Variants in HIBCH observed in about 807,000 individuals in gnomAD.
The protein encoded by HIBCH is 3-hydroxyisobutyryl-CoA hydrolase, also known as 3-hydroxyisobutyryl-CoA hydrolase, mitochondrial.
In HIBCH, 50 loss-of-function variants were observed where a neutral mutation model predicts 58.2. The ratio of observed to expected loss-of-function variants is 0.86; its 90% CI spans 0.68 to 1.09. The LOEUF is 1.09. HIBCH is among the 50% of genes least tolerant of loss of function. HIBCH has a pLI of 0.00. For synonymous variants in HIBCH, 151 were observed against 146.9 expected (o/e 1.03, Z -0.20); for missense variants, 450 against 449.7 (o/e 1.00, Z -0.01).
At chr2:190,205,353 C>A (rs1438426819) in intron 13 of HIBCH, 121 bp from the exon 14 acceptor site, 7 of 648,252 alleles carry the variant, frequency 1.1e-5, no homozygotes, top group South Asian at 1.8e-5. Context: ...TTTTTTCCTG[C>A]AAAATTTTTA....
chr2:190,313,034 G>A (rs1421365197), intron 1 of HIBCH, among the ~76,000 whole-genome samples: 1 of 152,242 alleles, frequency 6.6e-6, no homozygotes, highest in East Asian at 1.9e-4. Context: ...GGGAGGCAGA[G>A]TGTAGAAAGT....
chr2:190,201,625 TC>T (rs1690247091), downstream of HIBCH: 1 of 167,048 alleles, frequency 6.0e-6, no homozygotes, highest in African/African-American at 2.4e-5. Context: ...TAGAGTGAAT[TC>T]TCCAAGTTAC....
At chr2:190,297,248 T>C (rs1400806080) in intron 2 of HIBCH, among the ~76,000 whole-genome samples, 2 of 152,200 alleles carry the variant, frequency 1.3e-5, no homozygotes, top group African/African-American at 2.4e-5. Context: ...AATATTTTAA[T>C]TTACTACTGT....
intron 6 of HIBCH, among the ~76,000 whole-genome samples, chr2:190,272,379 C>T (rs1035054679): frequency 6.6e-6 from 1 of 152,166 alleles, no homozygotes; most frequent in African/African-American, 2.4e-5. Flanking sequence ...TCGAAGCTCA[C>T]ATATCCATAT....
chr2:190,198,199 T>C (rs1690066797), intron 1 of HIBCH, among the ~76,000 whole-genome samples: 4 of 151,908 alleles, frequency 2.6e-5, no homozygotes, highest in African/African-American at 9.7e-5. Flanking sequence ...TTATTAGGGG[T>C]AGGAACAGAT....
chr2:190,194,380 G>C (rs1198072511), intron 1 of HIBCH, among the ~76,000 whole-genome samples: 3 of 151,146 alleles, frequency 2.0e-5, no homozygotes, highest in Non-Finnish European at 4.4e-5. Context: ...GCATATAGTG[G>C]GTGTATTTTT....
At chr2:190,313,643 C>CA (rs546101154) in intron 1 of HIBCH, among the ~76,000 whole-genome samples, 45,726 of 79,122 alleles carry the variant, frequency 0.58, 10,463 homozygotes, top group South Asian at 0.62. Context: ...CTCTGTCTCA[C>CA]AAAAAAAAAA....
intron 1 of HIBCH, among the ~76,000 whole-genome samples, chr2:190,318,549 A>C (rs1402135243): frequency 6.6e-6 from 1 of 152,172 alleles, no homozygotes. Context: ...ATCTCAGATC[A>C]AAGCCCCCAA....
downstream of HIBCH, chr2:190,202,362 ACAAG>A (rs1401446830): frequency 6.0e-6 from 1 of 167,062 alleles, no homozygotes; most frequent in East Asian, 1.9e-4. Flanking sequence ...TATATGAACT[ACAAG>A]GCTTGCATAA....
intron 11 of HIBCH, among the ~76,000 whole-genome samples, chr2:190,234,234 A>G (rs894784394): frequency 1.3e-5 from 2 of 152,224 alleles, no homozygotes; most frequent in Non-Finnish European, 1.5e-5. Flanking sequence ...TGATACAACT[A>G]TATTAGAAAA....
chr2:190,280,482 C>T (rs186431952), intron 6 of HIBCH, among the ~76,000 whole-genome samples: 6 of 152,242 alleles, frequency 3.9e-5, no homozygotes, highest in African/African-American at 9.6e-5. Flanking sequence ...AGGCAGTCTC[C>T]CAGTAGACAG....
In HIBCH at chr2:190,312,302, G is replaced by A. The variant is rs148331823; in HGVS notation, c.36-1506C>T. Among the ~76,000 whole-genome samples the A allele has an allele frequency of 5.7e-3, 875 of 152,306 alleles. 12 individuals carry two copies. Among genetic ancestry groups the A allele is most frequent in the African/African-American group, 0.019 (802 of 41,564 alleles). The stretch of plus-strand genomic sequence containing the variant: ...GCACTCGAGAAACCCACAACGTAAT[G>A]ACAGATGTGCAAATAAAAACACTAT... On this transcript the variant is annotated intron_variant, in intron 1 of 13. Coordinates refer to ENST00000359678, the MANE Select transcript of HIBCH (RefSeq NM_014362.4).
chr2:190,227,667 C>T (rs1272207150), intron 11 of HIBCH, among the ~76,000 whole-genome samples: 1 of 152,028 alleles, frequency 6.6e-6, no homozygotes, highest in African/African-American at 2.4e-5. Context: ...TGACAAAGGG[C>T]TAATATCCAG....
Position 190,249,667 on chromosome 2 carries a change from T to G in HIBCH, c.723A>C (p.Ala241=), listed in dbSNP as rs1333268006. ...CTGTATGGTAATTTTCTAAGACAGA[T>G]GCAATATTTTCTTTTGAAGGAGATT... ...ALKSPSKENI[A]SVLENYHTES... The change falls in exon 9 of 14, where the codon GCA becomes GCC. Residue 241 remains alanine (A), a synonymous_variant. Coordinates refer to ENST00000359678, the MANE Select transcript of HIBCH (RefSeq NM_014362.4). The G allele has an allele frequency of 6.2e-7, 1 of 1,604,890 alleles. No individual in the cohort carries two copies. The highest frequency in any genetic ancestry group is 1.3e-5 in the African/African-American group (1 of 74,842).
chr2:190,275,933 C>T (rs892932287), intron 6 of HIBCH, among the ~76,000 whole-genome samples: 7 of 152,282 alleles, frequency 4.6e-5, no homozygotes, highest in South Asian at 2.1e-4. Context: ...ACCATTGCAT[C>T]CAGATCTGCT....
chr2:190,235,473 T>G (rs1297527833), intron 11 of HIBCH, among the ~76,000 whole-genome samples: 2 of 152,182 alleles, frequency 1.3e-5, no homozygotes, highest in Non-Finnish European at 2.9e-5. Flanking sequence ...AGTTCATGTG[T>G]GAAAAAATAT....
chr2:190,192,171 T>TG (rs1689742157), intron 1 of HIBCH, among the ~76,000 whole-genome samples: 1 of 152,178 alleles, frequency 6.6e-6, no homozygotes, highest in Non-Finnish European at 1.5e-5. Context: ...GGAGAGTATG[T>TG]GAATGTCCAA....
Position 190,306,874 on chromosome 2 carries a change from C to G in HIBCH, c.78+3880G>C, listed in dbSNP as rs1688422020. 6.6e-6 allele frequency among the ~76,000 whole-genome samples: 1 copy of G among 152,172 alleles called. No individual in the cohort carries two copies. The highest frequency in any genetic ancestry group is 2.4e-5 in the African/African-American group (1 of 41,434). On this transcript the variant is annotated intron_variant, in intron 2 of 13. Coordinates refer to ENST00000359678, the MANE Select transcript of HIBCH (RefSeq NM_014362.4). The surrounding 1 kb of genome is among the most constrained non-coding windows in gnomAD (Gnocchi z 4.6). ...TTATAAAAGAAACCCTGGAGAGCTT[C>G]TTCACCCCTTCTACCACAAGAGGAC... is the stretch of plus-strand genomic sequence containing the variant.
In HIBCH at chr2:190,314,338, CATATATATGT is replaced by C. The variant is rs1559068462; in HGVS notation, c.36-3552_36-3543del. Among the ~76,000 whole-genome samples, 35 of 130,800 alleles carry C rather than the reference CATATATATGT, an allele frequency of 2.7e-4. 4 individuals are homozygous for C. The highest frequency in any genetic ancestry group is 1.6e-3 in the South Asian group (7 of 4,446). 85.8% of individuals were successfully genotyped at this position (130,800 alleles called of 152,430 possible). A position where few individuals can be genotyped will look rare whatever the true frequency, so the allele number is the denominator to read the frequency against. ...ATATATATGTATATATGTATATATA[CATATATATGT>C]GTATATATACGTATATATATACGTA... On this transcript the variant is annotated intron_variant, in intron 1 of 13. Transcript: ENST00000359678.
Sources: allele counts gnomAD v4.1 joint callset (sites outside exome capture counted in the v4.1 genomes callset), GRCh38; gene constraint gnomAD v4.1.1; non-coding constraint Gnocchi (gnomAD v3.1); transcripts MANE v1.5; gene names NCBI Gene and HGNC (gene_info 2026-07-23, HGNC 2026-07-21).